Variants in CBLB observed in about 807,000 individuals in gnomAD.
CBLB encodes E3 ubiquitin-protein ligase CBL-B.
In CBLB, 31 loss-of-function variants were observed where a neutral mutation model predicts 104.9. The ratio of observed to expected loss-of-function variants is 0.30; its 90% confidence interval spans 0.22 to 0.40. The LOEUF (loss-of-function observed/expected upper bound fraction) is 0.40, where lower values mean the gene tolerates loss of function less well. CBLB is among the 10% of genes least tolerant of loss of function. The probability of loss-of-function intolerance (pLI) is 1.00; values close to 1 mark genes in which losing one functional copy is unlikely to be tolerated. For missense variants in CBLB, 1,062 were observed against 1,214.6 expected (o/e 0.87, Z 1.87); for synonymous variants, 440 against 422.6 (o/e 1.04, Z -0.51).
rs1383240606 is a variant in CBLB at position 105,867,536 on chromosome 3, T to C, written c.42A>G (p.Gly14=). 17 of 1,614,062 alleles carry C rather than the reference T, an allele frequency of 1.1e-5. No individual in the cohort carries two copies. The highest frequency in any genetic ancestry group is 1.4e-5 in the Non-Finnish European group (17 of 1,180,030). The change falls in exon 2 of 19, where the codon GGA becomes GGG. Residue 14 remains glycine, a synonymous_variant. Coordinates refer to ENST00000394030, the MANE Select transcript of CBLB (RefSeq NM_170662.5). Reference sequence around the variant, plus strand: ...AAATTCGACCTTTTCGGGGATTTCCTCCTCGACCACCAGGGTTTCTGCCAT... The same window carrying C: ...AAATTCGACCTTTTCGGGGATTTCCCCCTCGACCACCAGGGTTTCTGCCAT... The part of the protein sequence containing the change: ...SMNGRNPGGR[G]GNPRKGRILG...
Position 105,720,077 on chromosome 3 carries a change from C to A in CBLB, c.1377G>T (p.Leu459Phe), listed in dbSNP as rs1345291033. Reference protein sequence around the residue: ...LDDDDDREESLMMNRLANVRK... With the variant: ...LDDDDDREESFMMNRLANVRK... ...GGACGTTTGCCAACCGATTCATCAT[C>A]AAGGACTCCTCACGATCATCATCGT... The change falls in exon 10 of 19, where the codon TTG becomes TTT. Residue 459 changes from leucine (L) to phenylalanine (F), a missense_variant. Around this residue, in one of 2 missense-constraint regions of CBLB, gnomAD observed 457 missense variants for 632.0 expected, o/e 0.72. Transcript: ENST00000394030. 1 of 1,613,908 alleles carries A rather than the reference C, an allele frequency of 6.2e-7. No homozygotes were observed. The highest frequency in any genetic ancestry group is 1.3e-5 in the African/African-American group (1 of 74,912).
At chr3:105,727,699 C>T (rs780294042) in intron 9 of CBLB, among the ~76,000 whole-genome samples, 52 of 152,090 alleles carry the variant, frequency 3.4e-4, no homozygotes, top group African/African-American at 1.2e-3. Flanking sequence ...GTCTTTAATC[C>T]GTCTTGAGTT....
At chr3:105,678,008 T>C (rs1203063647) in intron 17 of CBLB, among the ~76,000 whole-genome samples, 1 of 152,122 alleles carries the variant, frequency 6.6e-6, no homozygotes, top group African/African-American at 2.4e-5. Flanking sequence ...ATCTTATGTT[T>C]TGAACAAAAT....
At chr3:105,787,496 G>T (rs573331636) in intron 3 of CBLB, among the ~76,000 whole-genome samples, 1 of 152,148 alleles carries the variant, frequency 6.6e-6, no homozygotes, top group East Asian at 1.9e-4. Flanking sequence ...CATTCTATGG[G>T]GCTATCTACC....
At chr3:105,746,895 C>A (rs2076151380) in intron 5 of CBLB, among the ~76,000 whole-genome samples, 1 of 152,188 alleles carries the variant, frequency 6.6e-6, no homozygotes, top group Non-Finnish European at 1.5e-5. Context: ...TGTCATTGAA[C>A]AGATAGATCC....
At chr3:105,706,148 A>G (rs914708636) in intron 10 of CBLB, among the ~76,000 whole-genome samples, 3 of 152,068 alleles carry the variant, frequency 2.0e-5, no homozygotes, top group Non-Finnish European at 4.4e-5. Flanking sequence ...TCTCTAAAAA[A>G]ATAATAAAAT....
chr3:105,773,412 TA>T (rs2079093876), intron 4 of CBLB, among the ~76,000 whole-genome samples: 1 of 152,102 alleles, frequency 6.6e-6, no homozygotes, highest in Admixed American at 6.6e-5. Flanking sequence ...GGGTAAGGGA[TA>T]AAAGACTACA....
chr3:105,837,556 G>A (rs1430111405), intron 3 of CBLB, among the ~76,000 whole-genome samples: 1 of 152,118 alleles, frequency 6.6e-6, no homozygotes, highest in Admixed American at 6.5e-5. Context: ...AGAATGATGT[G>A]AATTTTTTAG....
chr3:105,773,078 C>T (rs1422518683), intron 4 of CBLB, among the ~76,000 whole-genome samples: 2 of 152,160 alleles, frequency 1.3e-5, no homozygotes. Flanking sequence ...GAAAAAGACA[C>T]ATGCACACGC....
At position 105,827,769 on chromosome 3, in the gene CBLB, G is replaced by A. The variant is rs1362376149; in HGVS notation, c.419+25645C>T. ...TAACAGTTACAGATAGTCACAAAAT[G>A]GTTTAATACTGAATAACTGTAATAT... On this transcript the variant is annotated intron_variant, in intron 3 of 18. Coordinates refer to ENST00000394030, the MANE Select transcript of CBLB (RefSeq NM_170662.5). Among the ~76,000 whole-genome samples, 3 of 152,082 alleles carry A rather than the reference G, an allele frequency of 2.0e-5. 1 individual carries two copies. The highest frequency in any genetic ancestry group is 4.4e-5 in the Non-Finnish European group (3 of 68,026).
intron 3 of CBLB, among the ~76,000 whole-genome samples, chr3:105,804,099 T>C (rs1190741801): frequency 6.6e-6 from 1 of 152,218 alleles, no homozygotes; most frequent in African/African-American, 2.4e-5. Context: ...TTTAAAAAGT[T>C]GACTTCTTAA....
At chr3:105,665,313 G>A (rs1470658382) in intron 18 of CBLB, among the ~76,000 whole-genome samples, 6 of 150,998 alleles carry the variant, frequency 4.0e-5, no homozygotes, top group Non-Finnish European at 5.9e-5. Flanking sequence ...AACCCGGAAC[G>A]TGGAGGTTGC....
chr3:105,781,885 C>T (rs1427596086), intron 3 of CBLB, among the ~76,000 whole-genome samples: 1 of 152,040 alleles, frequency 6.6e-6, no homozygotes, highest in African/African-American at 2.4e-5. Context: ...CTTAATTTTA[C>T]AAGGTGAAAC....
At chr3:105,751,373 TGA>T in intron 5 of CBLB, 87 bp downstream of exon 5, 3 of 864,164 alleles carry the variant, frequency 3.5e-6, no homozygotes, top group Non-Finnish European at 5.8e-6. Flanking sequence ...TGTGTGTGTG[TGA>T]GAGAGAGACA....
intron 1 of CBLB, chr3:105,868,269 G>A (rs1706441211): frequency 3.8e-5 from 47 of 1,222,422 alleles, no homozygotes; most frequent in Non-Finnish European, 4.6e-5. Flanking sequence ...AATGACAAGA[G>A]CGGCCACGGA....
intron 3 of CBLB, among the ~76,000 whole-genome samples, chr3:105,798,357 GT>G (rs1027865924): frequency 6.6e-6 from 1 of 152,092 alleles, no homozygotes; most frequent in Non-Finnish European, 1.5e-5. Flanking sequence ...AAAGGTTTCT[GT>G]TTTTTGTTTT....
intron 8 of CBLB, 133 bp downstream of exon 8, chr3:105,737,038 A>C (rs1460671835): frequency 2.3e-6 from 1 of 431,182 alleles, no homozygotes; most frequent in Non-Finnish European, 4.2e-6. Context: ...CTCCTTAAAC[A>C]CTCTTAGAAT....
upstream of CBLB, chr3:105,869,367 C>T (rs1351579887): frequency 6.7e-6 from 9 of 1,342,260 alleles, no homozygotes; most frequent in South Asian, 1.1e-4. Context: ...GCGTGAGCGT[C>T]GGGACCGGGA....
At chr3:105,680,353 A>T (rs909412426) in intron 16 of CBLB, among the ~76,000 whole-genome samples, 27 of 152,232 alleles carry the variant, frequency 1.8e-4, no homozygotes, top group African/African-American at 6.3e-4. Context: ...TAAAGTAGTC[A>T]CCCATCCACA....
Sources: allele counts gnomAD v4.1 joint callset (sites outside exome capture counted in the v4.1 genomes callset), GRCh38; gene constraint gnomAD v4.1.1; regional missense constraint gnomAD v4.1.1; transcripts MANE v1.5; gene names NCBI Gene and HGNC (gene_info 2026-07-23, HGNC 2026-07-21).